Variants in ASTN2 observed in about 807,000 individuals in gnomAD.
ASTN2 encodes the protein astrotactin-2.
Under a neutral mutation model 139.8 loss-of-function variants are expected in ASTN2, and 54 were observed. That is an observed-to-expected ratio of 0.39 (90% confidence interval 0.31 to 0.48). The LOEUF (loss-of-function observed/expected upper bound fraction) is 0.48, where lower values mean the gene tolerates loss of function less well. Ranked by LOEUF, ASTN2 falls within the 20% of genes least tolerant of loss-of-function variation. The probability of loss-of-function intolerance (pLI) is 0.95; values close to 1 mark genes in which losing one functional copy is unlikely to be tolerated. For missense variants in ASTN2, 1,565 were observed against 1,725.1 expected, an observed-to-expected ratio of 0.91 and a Z score of 1.64; for synonymous variants, 756 against 719.5, an observed-to-expected ratio of 1.05 and a Z score of -0.81.
chr9:116,582,236 T>C (rs1853979133), intron 19 of ASTN2: 1 of 152,208 alleles, frequency 6.6e-6, no homozygotes, highest in Admixed American at 6.5e-5. Context: ...ATGAAGGGAT[T>C]GTACGGAGTG....
intron 6 of ASTN2, among the ~76,000 whole-genome samples, chr9:117,016,596 A>T (rs185006484): frequency 0.19 from 3,942 of 20,778 alleles, 165 homozygotes; most frequent in South Asian, 0.34. Flanking sequence ...TAGGTTTTAT[A>T]TATATATCTA....
At chr9:117,070,558 C>T (rs1194632191) in intron 5 of ASTN2, among the ~76,000 whole-genome samples, 4 of 142,442 alleles carry the variant, frequency 2.8e-5, no homozygotes, top group Non-Finnish European at 6.1e-5. Context: ...CGATGGCCTG[C>T]CTTGCTAGAT....
chr9:116,515,643 T>C (rs1564335142), intron 19 of ASTN2, among the ~76,000 whole-genome samples: 1 of 152,290 alleles, frequency 6.6e-6, no homozygotes, highest in East Asian at 1.9e-4. Context: ...TAATCCATTT[T>C]CTTGTCTTTT....
At chr9:116,885,338 G>C (rs1431869623) in intron 10 of ASTN2, among the ~76,000 whole-genome samples, 1 of 152,044 alleles carries the variant, frequency 6.6e-6, no homozygotes, top group African/African-American at 2.4e-5. Context: ...CCATGAATAA[G>C]TATAAATACT....
chr9:116,484,595 T>C (rs1056875706), intron 20 of ASTN2, among the ~76,000 whole-genome samples: 5 of 152,136 alleles, frequency 3.3e-5, no homozygotes, highest in Admixed American at 2.0e-4. Context: ...GAGCCGCCAA[T>C]GGGATAAGAG....
chr9:117,102,842 T>G (rs1829013779), intron 4 of ASTN2, among the ~76,000 whole-genome samples: 1 of 152,028 alleles, frequency 6.6e-6, no homozygotes, highest in African/African-American at 2.4e-5. Context: ...TAATTTTATC[T>G]TATGTGAATT....
intron 2 of ASTN2, among the ~76,000 whole-genome samples, chr9:117,253,033 T>C (rs1833580650): frequency 6.6e-6 from 1 of 152,190 alleles, no homozygotes; most frequent in South Asian, 2.1e-4. Flanking sequence ...TTATGGAATT[T>C]TGATGAGAAT....
At chr9:116,464,424 T>TAATG (rs34485438) in intron 20 of ASTN2, among the ~76,000 whole-genome samples, 49,592 of 151,824 alleles carry the variant, frequency 0.33, 8,782 homozygotes, top group Non-Finnish European at 0.41. Context: ...CCATCAATGG[T>TAATG]AATGCATAGA....
At chr9:116,657,653 C>T (rs1464166159) in intron 16 of ASTN2, among the ~76,000 whole-genome samples, 2 of 152,148 alleles carry the variant, frequency 1.3e-5, no homozygotes, top group Non-Finnish European at 2.9e-5. Context: ...CCAGCCTGGC[C>T]AACATGGCAA....
At chr9:117,347,801 C>G (rs1303900296) in intron 1 of ASTN2, among the ~76,000 whole-genome samples, 2 of 152,270 alleles carry the variant, frequency 1.3e-5, no homozygotes, top group East Asian at 1.9e-4. Context: ...GACCTCACAT[C>G]TCTCCTTGTG....
At chr9:116,976,824 T>G (rs1441628552) in intron 7 of ASTN2, 39 bp from the exon 8 acceptor site, 2 of 1,576,162 alleles carry the variant, frequency 1.3e-6, no homozygotes. Context: ...TTAAGTAGAG[T>G]CTCCCCAAAT....
chr9:116,442,556 G>A lies in ASTN2; in HGVS notation c.3498-3C>T. On this transcript the variant is annotated splice_region_variant and splice_polypyrimidine_tract_variant and intron_variant, in intron 20 of 22. Transcript: ENST00000313400. ...TATCCACAGCATACAGAGTGAACCTGCAGCACAGCAAGAAAACAGAGCACC... is the reference window on the plus strand; with the variant it reads ...TATCCACAGCATACAGAGTGAACCTACAGCACAGCAAGAAAACAGAGCACC... 2 of 1,613,824 alleles carry A rather than the reference G, an allele frequency of 1.2e-6. No individual in the cohort carries two copies. Among genetic ancestry groups the A allele is most frequent in the African/African-American group, 1.3e-5 (1 of 75,010 alleles).
intron 7 of ASTN2, among the ~76,000 whole-genome samples, chr9:116,993,876 A>ATATATTTTT (rs1030120382): frequency 2.1e-5 from 3 of 142,058 alleles, no homozygotes; most frequent in African/African-American, 7.7e-5. Flanking sequence ...ATATATATAT[A>ATATATTTTT]TTTTAACTAT....
At chr9:116,549,073 A>G (rs1458333468) in intron 19 of ASTN2, among the ~76,000 whole-genome samples, 1 of 152,120 alleles carries the variant, frequency 6.6e-6, no homozygotes, top group African/African-American at 2.4e-5. Context: ...GACAGATGGG[A>G]AAATTGGGGC....
At chr9:117,404,332 A>C (rs1185202892) in intron 1 of ASTN2, among the ~76,000 whole-genome samples, 1 of 152,204 alleles carries the variant, frequency 6.6e-6, no homozygotes, top group Non-Finnish European at 1.5e-5. Flanking sequence ...CCTCAGACCT[A>C]GCAAAAGTCT....
At chr9:116,709,545 T>C (rs1175507275) in intron 16 of ASTN2, among the ~76,000 whole-genome samples, 1 of 152,230 alleles carries the variant, frequency 6.6e-6, no homozygotes, top group East Asian at 1.9e-4. Context: ...CTATAGACTG[T>C]TGAACCACTG....
chr9:117,200,421 G>C (rs1037518478), intron 3 of ASTN2, among the ~76,000 whole-genome samples: 1 of 152,156 alleles, frequency 6.6e-6, no homozygotes, highest in South Asian at 2.1e-4. Flanking sequence ...TGGTGAGAGA[G>C]GGCATCCTTG....
At chr9:116,649,768 C>T in intron 17 of ASTN2, among the ~76,000 whole-genome samples, 1 of 152,082 alleles carries the variant, frequency 6.6e-6, no homozygotes, top group South Asian at 2.1e-4. Flanking sequence ...CCTCCTTCTG[C>T]CACACAATCT....
intron 10 of ASTN2, among the ~76,000 whole-genome samples, chr9:116,885,775 A>T (rs933538695): frequency 3.3e-5 from 5 of 152,208 alleles, no homozygotes; most frequent in Non-Finnish European, 5.9e-5. Flanking sequence ...GAGGTGACAC[A>T]GTTCAGCCCA....
Sources: gnomAD v4.1 joint callset for allele counts (sites outside exome capture counted in the v4.1 genomes callset) on GRCh38, gnomAD v4.1.1 for gene constraint, MANE v1.5 for transcripts, NCBI Gene and HGNC (gene_info 2026-07-23, HGNC 2026-07-21) for gene names.